The following MTUS2 variants were observed in gnomAD, a reference collection of about 807,000 sequenced individuals.
MTUS2 encodes microtubule-associated tumor suppressor candidate 2.
A neutral mutation model predicts 114.1 loss-of-function variants in MTUS2; 40 were observed. That is an observed-to-expected ratio of 0.35 (90% confidence interval 0.27 to 0.46). The LOEUF (loss-of-function observed/expected upper bound fraction) is 0.46. Among genes scored for constraint, MTUS2 ranks in the 20% least tolerant of loss-of-function variants. The pLI is 1.00. For missense variants in MTUS2, 1,679 were observed against 1,705.4 expected (o/e 0.98, Z 0.27); for synonymous variants, 688 against 672.0 (o/e 1.02, Z -0.37).
intron 8 of MTUS2, among the ~76,000 whole-genome samples, chr13:29,421,584 A>G (rs937257427): frequency 6.6e-6 from 1 of 152,208 alleles, no homozygotes; most frequent in African/African-American, 2.4e-5. Context: ...GGAAATGTTC[A>G]TAGAGACCTA....
At chr13:29,249,138 C>G (rs556121693) in intron 5 of MTUS2, among the ~76,000 whole-genome samples, 1 of 152,228 alleles carries the variant, frequency 6.6e-6, no homozygotes, top group South Asian at 2.1e-4. Context: ...CAGGCGTGCA[C>G]CACTATGCCT....
At position 28,906,169 on chromosome 13, in the gene MTUS2, C is replaced by T. The variant is rs186959749; in HGVS notation, c.-243+66319C>T. The stretch of plus-strand genomic sequence containing the variant: ...TTTTCTTCTTTATTAGTCTTGCTAG[C>T]GGTCTATCAATTTTGTTGATCTTTT... On this transcript the variant is annotated intron_variant, in intron 2 of 15. Transcript: ENST00000612955. Among the ~76,000 whole-genome samples the T allele has an allele frequency of 2.4e-3, 362 of 151,364 alleles. 11 individuals carry two copies. Among genetic ancestry groups the T allele is most frequent in the African/African-American group, 8.1e-3 (333 of 41,062 alleles).
chr13:29,237,125 A>G lies in MTUS2; in HGVS notation c.2645-44579A>G, dbSNP rs146023516. Among the ~76,000 whole-genome samples, 24 of 152,278 alleles carry G rather than the reference A, an allele frequency of 1.6e-4. No homozygotes were observed. The East Asian group carries it at 3.3e-3, about 21-fold the overall frequency. ...GATCTGGCTTACTTCTATTTTAGGT[A>G]TTTATGTCTAGTTATATAGAAATAT... On this transcript the variant is annotated intron_variant, in intron 5 of 15. Coordinates refer to ENST00000612955, the MANE Select transcript of MTUS2 (RefSeq NM_001033602.4).
At chr13:29,406,845 C>T (rs1002939081) in intron 8 of MTUS2, among the ~76,000 whole-genome samples, 1 of 152,210 alleles carries the variant, frequency 6.6e-6, no homozygotes, top group Non-Finnish European at 1.5e-5. Flanking sequence ...AAACTTATAT[C>T]TTTGAAATGT....
At chr13:29,188,344 T>C (rs188158505) in intron 5 of MTUS2, among the ~76,000 whole-genome samples, 4 of 152,260 alleles carry the variant, frequency 2.6e-5, no homozygotes, top group Non-Finnish European at 5.9e-5. Context: ...TGGGAAGATA[T>C]ACATCTTGGA....
intron 5 of MTUS2, among the ~76,000 whole-genome samples, chr13:29,190,334 C>A (rs1894395312): frequency 6.6e-6 from 1 of 152,230 alleles, no homozygotes. Flanking sequence ...TCATTAAGCA[C>A]TGTTTTAACC....
intron 5 of MTUS2, among the ~76,000 whole-genome samples, chr13:29,274,332 G>A (rs1332191910): frequency 6.6e-6 from 1 of 152,042 alleles, no homozygotes; most frequent in Non-Finnish European, 1.5e-5. Context: ...GGATGGTCTC[G>A]ATCTCCTGAC....
At chr13:29,498,565 T>A (rs746818827) in intron 14 of MTUS2, 28 bp downstream of exon 14, 1 of 1,613,060 alleles carries the variant, frequency 6.2e-7, no homozygotes, top group Admixed American at 1.7e-5. Flanking sequence ...CTCGGGAGAG[T>A]AACCTCCATG....
At chr13:29,173,438 A>G (rs1366971218) in intron 5 of MTUS2, among the ~76,000 whole-genome samples, 25 of 152,180 alleles carry the variant, frequency 1.6e-4, no homozygotes, top group Admixed American at 1.6e-3. Flanking sequence ...GTGACACTAA[A>G]TATTTTAGAA....
chr13:29,042,719 A>T (rs564615741), intron 4 of MTUS2, among the ~76,000 whole-genome samples: 39 of 152,142 alleles, frequency 2.6e-4, no homozygotes, highest in Middle Eastern at 3.4e-3. Flanking sequence ...CCAGGAACTT[A>T]TTTATCTCCT....
intron 5 of MTUS2, among the ~76,000 whole-genome samples, chr13:29,110,824 C>G (rs1890854425): frequency 6.6e-6 from 1 of 152,022 alleles, no homozygotes; most frequent in Non-Finnish European, 1.5e-5. Context: ...TTATAAGTGC[C>G]ATATTCTAGG....
intron 5 of MTUS2, among the ~76,000 whole-genome samples, chr13:29,120,087 T>G (rs1489366841): frequency 6.6e-6 from 1 of 152,262 alleles, no homozygotes; most frequent in East Asian, 1.9e-4. Context: ...TGAAACAAAT[T>G]AACCAAAATA....
intron 2 of MTUS2, among the ~76,000 whole-genome samples, chr13:28,848,606 G>A (rs1401898876): frequency 6.6e-6 from 1 of 151,962 alleles, no homozygotes; most frequent in East Asian, 1.9e-4. Flanking sequence ...CAAGGGGTGT[G>A]ATTATTGAGT....
chr13:29,274,005 G>T (rs1161012155), intron 5 of MTUS2, among the ~76,000 whole-genome samples: 2 of 152,140 alleles, frequency 1.3e-5, no homozygotes, highest in African/African-American at 4.8e-5. Flanking sequence ...GCTTTTATGT[G>T]AACATATGTT....
chr13:29,358,187 G>A (rs1330407105), intron 7 of MTUS2, among the ~76,000 whole-genome samples: 1 of 152,134 alleles, frequency 6.6e-6, no homozygotes, highest in Non-Finnish European at 1.5e-5. Flanking sequence ...TCAATAGCAG[G>A]GGTTCTCCGA....
chr13:28,875,502 T>G (rs1443720415), intron 2 of MTUS2, among the ~76,000 whole-genome samples: 1 of 152,252 alleles, frequency 6.6e-6, no homozygotes, highest in Non-Finnish European at 1.5e-5. Flanking sequence ...ATGTCTTCAG[T>G]GTTCTGTATT....
At chr13:29,054,491 A>G (rs1888039512) in intron 4 of MTUS2, among the ~76,000 whole-genome samples, 1 of 152,130 alleles carries the variant, frequency 6.6e-6, no homozygotes, top group Non-Finnish European at 1.5e-5. Flanking sequence ...AGAGATAGAA[A>G]TTAGAATAGC....
intron 4 of MTUS2, among the ~76,000 whole-genome samples, chr13:29,095,653 T>A (rs1279470351): frequency 6.6e-6 from 1 of 152,136 alleles, no homozygotes; most frequent in African/African-American, 2.4e-5. Flanking sequence ...GCTCCACTTA[T>A]TTTTCTTCAT....
intron 2 of MTUS2, among the ~76,000 whole-genome samples, chr13:28,993,453 T>A (rs1884950700): frequency 6.6e-6 from 1 of 152,232 alleles, no homozygotes; most frequent in African/African-American, 2.4e-5. Context: ...TGATAGTTTC[T>A]ATTGCTGTGC....
Sources: gnomAD v4.1 joint callset for allele counts (sites outside exome capture counted in the v4.1 genomes callset) on GRCh38, gnomAD v4.1.1 for gene constraint, MANE v1.5 for transcripts, NCBI Gene and HGNC (gene_info 2026-07-23, HGNC 2026-07-21) for gene names.